Variants in FAM81B observed in about 807,000 individuals in gnomAD.
FAM81B encodes the protein family with sequence similarity 81 member B.
In FAM81B, 60 loss-of-function variants were observed where a neutral mutation model predicts 58.7. The observed-to-expected ratio is 1.02, with a 90% CI of 0.83 to 1.27. The LOEUF is 1.27. Among genes scored for constraint, FAM81B ranks in the 50% most tolerant of loss-of-function variants. The probability of loss-of-function intolerance (pLI) is 0.00; values close to 1 mark genes in which losing one functional copy is unlikely to be tolerated. For missense variants in FAM81B, 491 were observed against 522.0 expected (o/e 0.94, Z 0.58); for synonymous variants, 189 against 179.6 (o/e 1.05, Z -0.42).
At chr5:95,447,912 T>C (rs1229540666) in intron 8 of FAM81B, among the ~76,000 whole-genome samples, 1 of 152,206 alleles carries the variant, frequency 6.6e-6, no homozygotes, top group Non-Finnish European at 1.5e-5. Context: ...GTCACTATTC[T>C]AGCCGAAGTC....
intron 3 of FAM81B, among the ~76,000 whole-genome samples, chr5:95,408,611 T>G (rs1490909145): frequency 6.6e-6 from 1 of 152,242 alleles, no homozygotes; most frequent in East Asian, 1.9e-4. Flanking sequence ...TGCTTAGGCT[T>G]GAATACTGGT....
chr5:95,435,128 C>T (rs1038084387), intron 6 of FAM81B, among the ~76,000 whole-genome samples: 9 of 152,196 alleles, frequency 5.9e-5, no homozygotes, highest in South Asian at 2.1e-4. Context: ...TGGCTAGGCA[C>T]GGCCTGTAGA....
chr5:95,438,899 A>G (rs559193322), intron 7 of FAM81B, among the ~76,000 whole-genome samples: 1 of 151,560 alleles, frequency 6.6e-6, no homozygotes, highest in East Asian at 1.9e-4. Context: ...CCTTGTTAAT[A>G]TAAGTATATA....
chr5:95,406,176 T>C (rs1202685425), intron 3 of FAM81B: 1 of 154,296 alleles, frequency 6.5e-6, no homozygotes, highest in Non-Finnish European at 1.5e-5. Flanking sequence ...TCAGGTTGGG[T>C]TGCCCAGGGA....
intron 3 of FAM81B, among the ~76,000 whole-genome samples, chr5:95,404,028 G>A (rs1475164841): frequency 6.6e-6 from 1 of 152,116 alleles, no homozygotes; most frequent in East Asian, 1.9e-4. Flanking sequence ...TAAATTTGGG[G>A]GGAAATGAAG....
chr5:95,444,912 T>C lies in FAM81B; in HGVS notation c.894-1650T>C, dbSNP rs145254608. 2.6e-3 allele frequency among the ~76,000 whole-genome samples: 396 copies of C among 152,274 alleles called. 4 individuals are homozygous for C. The highest frequency in any genetic ancestry group is 9.1e-3 in the African/African-American group (377 of 41,566). On this transcript the variant is annotated intron_variant, in intron 7 of 9. Transcript: ENST00000283357. ...GTCTCTCCTGTGCATTGTAAGATGT[T>C]TAGCAGCATCTCTAGTGTCTACCCA...
intron 7 of FAM81B, among the ~76,000 whole-genome samples, chr5:95,443,252 A>G (rs1438387536): frequency 6.6e-6 from 1 of 151,596 alleles, no homozygotes; most frequent in Non-Finnish European, 1.5e-5. Flanking sequence ...ATGTCTGTAG[A>G]TCTTCACTCA....
At chr5:95,407,755 A>C (rs1762295328) in intron 3 of FAM81B, among the ~76,000 whole-genome samples, 1 of 152,196 alleles carries the variant, frequency 6.6e-6, no homozygotes, top group Non-Finnish European at 1.5e-5. Flanking sequence ...TTCTAGGTTT[A>C]TAATATCTGC....
intron 2 of FAM81B, among the ~76,000 whole-genome samples, chr5:95,395,643 A>G (rs33894): frequency 0.41 from 62,116 of 151,804 alleles, 13,168 homozygotes; most frequent in East Asian, 0.65. Flanking sequence ...ATGTTGGTAA[A>G]TCATGTGTAT....
rs763071642 is a variant in FAM81B, at chr5:95,414,210, A to G, written c.537+20A>G. 5.0e-6 allele frequency: 8 copies of G among 1,591,494 alleles called. No homozygotes were observed. The highest frequency in any genetic ancestry group is 6.0e-6 in the Non-Finnish European group (7 of 1,170,378). On this transcript the variant is annotated intron_variant, in intron 4 of 9. Transcript: ENST00000283357. ...ATTGAGGTAGTTCTCTTTTTGTTTTATTTTGTTTTTGTTTTGTATTTTGGC... is the reference window on the plus strand; with the variant it reads ...ATTGAGGTAGTTCTCTTTTTGTTTTGTTTTGTTTTTGTTTTGTATTTTGGC...
At chr5:95,449,723 C>A (rs182682438) in intron 9 of FAM81B, among the ~76,000 whole-genome samples, 1 of 151,972 alleles carries the variant, frequency 6.6e-6, no homozygotes, top group African/African-American at 2.4e-5. Flanking sequence ...AGCAGGGGGC[C>A]GCTGTTAGGT....
At position 95,391,475 on chromosome 5, in the gene FAM81B, CA is replaced by C. The variant is rs200301845; in HGVS notation, c.92del (p.Asn31IlefsTer9). On this transcript the variant is annotated frameshift_variant, in exon 1 of 10. Coordinates refer to ENST00000283357, the MANE Select transcript of FAM81B (RefSeq NM_152548.3). LOFTEE classifies it high-confidence loss of function. Reference sequence around the variant, plus strand: ...TTGTTTTTCAAAAATATCAAATCTACAAAAAATAAAGCTGGAAAAGCAAGCA... The same window carrying C: ...TTGTTTTTCAAAAATATCAAATCTACAAAAATAAAGCTGGAAAAGCAAGCA... Reference protein sequence around the residue: ...QRLFFKNIKSTKNKAGKASIM... With the variant: ...QRLFFKNIKSXKNKAGKASIM... 2,090 of 1,613,586 alleles carry C rather than the reference CA, an allele frequency of 1.3e-3. 28 individuals carry two copies. The African/African-American group carries it at 0.024, about 18-fold the overall frequency.
At chr5:95,430,676 T>C (rs1744843578) in intron 6 of FAM81B, among the ~76,000 whole-genome samples, 1 of 152,078 alleles carries the variant, frequency 6.6e-6, no homozygotes, top group African/African-American at 2.4e-5. Context: ...GTAGAATAAA[T>C]ATCCAGAAGT....
intron 5 of FAM81B, among the ~76,000 whole-genome samples, chr5:95,425,017 A>G (rs146322058): frequency 1.7e-3 from 261 of 152,220 alleles, no homozygotes; most frequent in African/African-American, 6.1e-3. Flanking sequence ...AATGAGTTAT[A>G]AAAAGTAAAA....
At position 95,446,601 on chromosome 5, in the gene FAM81B, G is replaced by A. The variant is rs774376583; in HGVS notation, c.933G>A (p.Glu311=). The A allele has an allele frequency of 5.0e-6, 8 of 1,610,474 alleles. No homozygotes were observed. The highest frequency in any genetic ancestry group is 5.1e-6 in the Non-Finnish European group (6 of 1,178,454). Residue 311 remains glutamate (E), a synonymous_variant, in exon 8 of 10, where the codon GAG becomes GAA. Transcript: ENST00000283357. ...CAAGTAATCTGTACGAAGAAGTTGA[G>A]AATAATAAAAAATGGACAGAAAACC... The part of the protein sequence containing the change: ...SLSSNLYEEV[E]NNKKWTENQF...
intron 2 of FAM81B, 108 bp from the exon 3 acceptor site, chr5:95,396,003 C>T (rs929855411): frequency 8.5e-6 from 7 of 827,824 alleles, no homozygotes; most frequent in Admixed American, 5.1e-5. Context: ...ATTATCTGGT[C>T]TATGGTATAC....
chr5:95,391,745 C>A (rs182703471), intron 1 of FAM81B, among the ~76,000 whole-genome samples: 1 of 151,958 alleles, frequency 6.6e-6, no homozygotes, highest in South Asian at 2.1e-4. Flanking sequence ...CCAAAACATA[C>A]GAGAAAAAGC....
At chr5:95,439,781 T>C (rs1416014039) in intron 7 of FAM81B, among the ~76,000 whole-genome samples, 2 of 152,184 alleles carry the variant, frequency 1.3e-5, no homozygotes, top group Non-Finnish European at 2.9e-5. Context: ...AGATAATGTA[T>C]AGAATTCACT....
At chr5:95,398,015 G>A (rs1393607314) in intron 3 of FAM81B, among the ~76,000 whole-genome samples, 5 of 152,194 alleles carry the variant, frequency 3.3e-5, no homozygotes, top group Non-Finnish European at 7.3e-5. Flanking sequence ...TAAATCAGCT[G>A]ATTAACTGGA....
Sources: gnomAD v4.1 joint callset for allele counts (sites outside exome capture counted in the v4.1 genomes callset) on GRCh38, gnomAD v4.1.1 for gene constraint, MANE v1.5 for transcripts, NCBI Gene and HGNC (gene_info 2026-07-23, HGNC 2026-07-21) for gene names.